RPAP2: variants seen among roughly 807,000 people sequenced by gnomAD.
RPAP2 encodes the protein putative RNA polymerase II subunit B1 CTD phosphatase RPAP2.
A neutral mutation model predicts 73.1 loss-of-function variants in RPAP2; 52 were observed. The ratio of observed to expected loss-of-function variants is 0.71; its 90% CI spans 0.57 to 0.90. RPAP2 has a LOEUF of 0.90. RPAP2 is among the 40% of genes least tolerant of loss of function. The pLI is 0.00. For missense variants in RPAP2, 598 were observed against 701.8 expected, an observed-to-expected ratio of 0.85 and a Z score of 1.67; for synonymous variants, 225 against 242.1, an observed-to-expected ratio of 0.93 and a Z score of 0.65.
chr1:92,335,264 A>G (rs1653213865), intron 9 of RPAP2, among the ~76,000 whole-genome samples: 1 of 152,214 alleles, frequency 6.6e-6, no homozygotes, highest in Non-Finnish European at 1.5e-5. Context: ...GGAATGAAAA[A>G]TGAAGCAAAG....
rs758432640 is a variant in RPAP2 at position 92,323,581 on chromosome 1, C to T, written c.661C>T (p.Gln221Ter). The change falls in exon 8 of 13, where the codon CAA becomes TAA. Residue 221 changes from glutamine to a stop codon, truncating the protein, a stop_gained. Transcript: ENST00000610020. LOFTEE classifies it high-confidence loss of function. ...THSDSSSDNE[Q>*]DFVSSILPGN... ...CAGTGATAGTAGCAGTGACAATGAG[C>T]AAGACTTTGTTTCCTCCATTCTACC... is the stretch of plus-strand genomic sequence containing the variant. The T allele has an allele frequency of 2.0e-5, 32 of 1,613,856 alleles. No homozygotes were observed. Among genetic ancestry groups the T allele is most frequent in the Non-Finnish European group, 2.7e-5 (32 of 1,179,952 alleles).
chr1:92,309,166 G>A (rs532314966), intron 6 of RPAP2, among the ~76,000 whole-genome samples: 26 of 152,168 alleles, frequency 1.7e-4, no homozygotes, highest in Admixed American at 1.0e-3. Context: ...CCTTTGTGCC[G>A]GGCGTGGTGG....
chr1:92,330,235 A>C (rs1652879858), intron 8 of RPAP2, among the ~76,000 whole-genome samples: 1 of 152,158 alleles, frequency 6.6e-6, no homozygotes, highest in South Asian at 2.1e-4. Context: ...AATTGTTCAG[A>C]ATGAAGATAC....
At position 92,387,118 on chromosome 1, in the gene RPAP2, C is replaced by T; in HGVS notation, c.*107C>T. On this transcript the variant is annotated 3_prime_UTR_variant, in exon 13 of 13. Transcript: ENST00000610020. ...ACTGATAACTAGTTTTATTCCAAGA[C>T]ATACCTTTACCTCTTTAAGTTTCAA... 8.6e-7 allele frequency: 1 copy of T among 1,164,074 alleles called. No homozygotes were observed. Among genetic ancestry groups the T allele is most frequent in the South Asian group, 1.7e-5 (1 of 58,540 alleles). The allele number at this position is 1,164,074 out of a possible 1,614,324, so 72.1% of individuals were successfully genotyped here. A position where few individuals can be genotyped will look rare whatever the true frequency, so the allele number is the denominator to read the frequency against.
chr1:92,331,681 T>A (rs1571073454), intron 8 of RPAP2, among the ~76,000 whole-genome samples: 1 of 152,294 alleles, frequency 6.6e-6, no homozygotes, highest in East Asian at 1.9e-4. Flanking sequence ...TCAAATATAT[T>A]GCAAGATTAT....
At chr1:92,327,700 T>G (rs532936920) in intron 8 of RPAP2, among the ~76,000 whole-genome samples, 7 of 151,228 alleles carry the variant, frequency 4.6e-5, no homozygotes, top group Non-Finnish European at 7.3e-5. Context: ...ATCGTGCTAT[T>G]TGTTGCCTGA....
At chr1:92,362,663 G>A (rs1190521445) in intron 11 of RPAP2, among the ~76,000 whole-genome samples, 1 of 152,132 alleles carries the variant, frequency 6.6e-6, no homozygotes, top group Non-Finnish European at 1.5e-5. Context: ...CAATTTTTGT[G>A]GTGGTGAAAA....
At chr1:92,339,695 T>C (rs1018957513) in intron 10 of RPAP2, among the ~76,000 whole-genome samples, 8 of 152,130 alleles carry the variant, frequency 5.3e-5, no homozygotes, top group African/African-American at 7.2e-5. Flanking sequence ...GTGACTAATT[T>C]GTGTTTTTTA....
At chr1:92,332,283 C>T (rs1653014146) in intron 8 of RPAP2, among the ~76,000 whole-genome samples, 3 of 151,790 alleles carry the variant, frequency 2.0e-5, no homozygotes, top group Non-Finnish European at 2.9e-5. Flanking sequence ...TTTTAAATAC[C>T]GTATTTTTCT....
intron 11 of RPAP2, among the ~76,000 whole-genome samples, chr1:92,358,822 A>C (rs1308273004): frequency 6.6e-6 from 1 of 152,134 alleles, no homozygotes; most frequent in African/African-American, 2.4e-5. Context: ...TCCTAAACTT[A>C]AGTGATCCCC....
intron 11 of RPAP2, among the ~76,000 whole-genome samples, chr1:92,364,140 G>A (rs1417510759): frequency 6.6e-6 from 1 of 152,112 alleles, no homozygotes; most frequent in Non-Finnish European, 1.5e-5. Context: ...GTGACATTAA[G>A]TATCCAGATG....
chr1:92,302,369 A>G (rs921617519), intron 3 of RPAP2, among the ~76,000 whole-genome samples: 3 of 151,452 alleles, frequency 2.0e-5, no homozygotes, highest in Non-Finnish European at 2.9e-5. Flanking sequence ...TTTTACCCTT[A>G]GTCATAGTTC....
chr1:92,373,743 A>T (rs1047813240), intron 11 of RPAP2, among the ~76,000 whole-genome samples: 103 of 113,468 alleles, frequency 9.1e-4, no homozygotes, highest in African/African-American at 6.1e-3. Flanking sequence ...TAAAAATAAA[A>T]AAAAAAAAAA....
intron 8 of RPAP2, among the ~76,000 whole-genome samples, chr1:92,332,101 CT>C (rs1653002497): frequency 6.6e-6 from 1 of 151,602 alleles, no homozygotes; most frequent in African/African-American, 2.4e-5. Flanking sequence ...CATTCTGCCT[CT>C]TCTCTTTAGT....
chr1:92,346,895 G>C (rs1056913827), intron 11 of RPAP2, among the ~76,000 whole-genome samples: 4 of 152,148 alleles, frequency 2.6e-5, no homozygotes, highest in African/African-American at 9.7e-5. Context: ...GCTTGTTAGA[G>C]GTCATTGAAG....
chr1:92,323,806 A>G lies in RPAP2; in HGVS notation c.886A>G (p.Asn296Asp), dbSNP rs1281379787. ...ATGTGAACTTCCTTTACAGAAAGTA[A>G]ATACTCAGAGTTCTTCAAATAGCAC... Reference protein sequence around the residue: ...ATCELPLQKVNTQSSSNSTLP... With the variant: ...ATCELPLQKVDTQSSSNSTLP... Residue 296 changes from asparagine (N) to aspartate (D), a missense_variant, in exon 8 of 13, where the codon AAT becomes GAT. Physicochemically the swap from Asn to Asp is conservative, Grantham distance 23. Around this residue, in one of 3 missense-constraint regions of RPAP2, gnomAD observed 506 missense variants for 612.8 expected, o/e 0.83. Transcript: ENST00000610020. 3 of 1,614,002 alleles carry G rather than the reference A, an allele frequency of 1.9e-6. No homozygotes were observed. The highest frequency in any genetic ancestry group is 2.5e-6 in the Non-Finnish European group (3 of 1,180,008).
rs1438517236 is a variant in RPAP2, at chr1:92,363,414, ATCT to A, written c.1689-17306_1689-17304del. ...AGTGTGAACAGGAGAGAAATACTAC[ATCT>A]TCTGAGACAGGAAGAAAAGAACAGC... On this transcript the variant is annotated intron_variant, in intron 11 of 12. Transcript: ENST00000610020. 2.0e-5 allele frequency among the ~76,000 whole-genome samples: 3 copies of A among 152,218 alleles called. No individual in the cohort carries two copies. In the East Asian group the frequency reaches 5.8e-4, roughly 29 times the overall value.
chr1:92,305,985 A>C (rs1245983504), intron 5 of RPAP2, among the ~76,000 whole-genome samples: 2 of 152,224 alleles, frequency 1.3e-5, no homozygotes, highest in Non-Finnish European at 2.9e-5. Flanking sequence ...TGTATGTATA[A>C]AAATGTTTAT....
chr1:92,303,992 CCTG>C lies in RPAP2; in HGVS notation c.253_255del (p.Ala85del). The C allele has an allele frequency of 2.5e-6, 4 of 1,609,336 alleles. No individual in the cohort carries two copies. The highest frequency in any genetic ancestry group is 1.3e-5 in the African/African-American group (1 of 74,804). On this transcript the variant is annotated inframe_deletion, in exon 4 of 13. Coordinates refer to ENST00000610020, the MANE Select transcript of RPAP2 (RefSeq NM_024813.3). ...TTCATTTTAGGGGAGGTTCATTACA[CCTG>C]CTCACTACAGTGATGTCGTGGATGA...
Sources: gnomAD v4.1 joint callset for allele counts (sites outside exome capture counted in the v4.1 genomes callset) on GRCh38, gnomAD v4.1.1 for gene constraint, gnomAD v4.1.1 regional missense constraint, MANE v1.5 for transcripts, NCBI Gene and HGNC (gene_info 2026-07-23, HGNC 2026-07-21) for gene names.